The following LRRK2 variants were observed in gnomAD, a reference collection of about 807,000 sequenced individuals.
The protein encoded by LRRK2 is leucine rich repeat kinase 2.
A neutral mutation model predicts 302.6 loss-of-function variants in LRRK2; 203 were observed. That is an observed-to-expected ratio of 0.67 (90% CI 0.60 to 0.75). LRRK2 has a LOEUF of 0.75. Among genes scored for constraint, LRRK2 ranks in the 30% least tolerant of loss-of-function variants. The pLI, the probability that LRRK2 is intolerant of heterozygous loss-of-function variation, is 0.00. For missense variants in LRRK2, 2,830 were observed against 2,951.0 expected, an observed-to-expected ratio of 0.96 and a Z score of 0.95; for synonymous variants, 1,066 against 1,031.9, an observed-to-expected ratio of 1.03 and a Z score of -0.63.
At position 40,257,270 on chromosome 12, in the gene LRRK2, A is replaced by G. The variant is rs1474440779; in HGVS notation, c.1311A>G (p.Leu437=). The G allele has an allele frequency of 1.9e-6, 3 of 1,579,186 alleles. No homozygotes were observed. In the East Asian group the frequency reaches 6.7e-5, roughly 35 times the overall value. The change falls in exon 12 of 51, where the codon TTA becomes TTG. Residue 437 remains leucine (L), a synonymous_variant. Transcript: ENST00000298910. The stretch of plus-strand genomic sequence containing the variant: ...CAGTTAATTTCAGAAAAATACTGTT[A>G]TCAAAAGGAATACACCTGAATGTTT... ...EQNVNFRKIL[L]SKGIHLNVLE...
intron 6 of LRRK2, among the ~76,000 whole-genome samples, chr12:40,240,942 A>G (rs1312287779): frequency 6.6e-6 from 1 of 152,170 alleles, no homozygotes; most frequent in Non-Finnish European, 1.5e-5. Flanking sequence ...TAGAGTTAGG[A>G]GATCAAATAG....
chr12:40,308,782 C>A, intron 29 of LRRK2, 86 bp downstream of exon 29: 1 of 1,220,542 alleles, frequency 8.2e-7, no homozygotes, highest in African/African-American at 1.5e-5. Context: ...GTTCTAATAT[C>A]CAGAAACCTG....
intron 39 of LRRK2, among the ~76,000 whole-genome samples, chr12:40,333,063 T>G (rs1945760811): frequency 6.6e-6 from 1 of 152,180 alleles, no homozygotes; most frequent in Non-Finnish European, 1.5e-5. Context: ...TACTGTACTA[T>G]TACGCTGTTT....
At chr12:40,319,495 C>T (rs1284541628) in intron 33 of LRRK2, among the ~76,000 whole-genome samples, 2 of 152,074 alleles carry the variant, frequency 1.3e-5, no homozygotes, top group African/African-American at 4.8e-5. Context: ...AAGTAGAATC[C>T]ATCAAAATGC....
intron 38 of LRRK2, among the ~76,000 whole-genome samples, chr12:40,325,081 T>C (rs3747891): frequency 0.097 from 14,740 of 151,778 alleles, 903 homozygotes; most frequent in Admixed American, 0.15. Context: ...AGGTCAGGAG[T>C]TGAAGACCAG....
chr12:40,360,762 A>C (rs942628646), intron 47 of LRRK2, among the ~76,000 whole-genome samples: 2 of 152,028 alleles, frequency 1.3e-5, no homozygotes, highest in South Asian at 4.1e-4. Context: ...GCTTTTTGCC[A>C]TCTGTGCTTT....
rs187998728 is a variant in LRRK2, at chr12:40,348,859, C to T, written c.6381+350C>T. Among the ~76,000 whole-genome samples the T allele has an allele frequency of 5.4e-3, 815 of 152,040 alleles. 20 individuals are homozygous for T. The highest frequency in any genetic ancestry group is 0.048 in the Admixed American group (737 of 15,280). On this transcript the variant is annotated intron_variant, in intron 43 of 50. Transcript: ENST00000298910. The stretch of plus-strand genomic sequence containing the variant: ...GTTTTATATGTTGCAATTTCTTTTT[C>T]GAGCTGGTGGCTTGCTTTTTAAATT...
chr12:40,310,623 A>C lies in LRRK2; in HGVS notation c.4510A>C (p.Ile1504Leu), dbSNP rs193054490. The change falls in exon 31 of 51, where the codon ATC becomes CTC. Residue 1504 changes from isoleucine (I) to leucine (L), a missense_variant. Coordinates refer to ENST00000298910, the MANE Select transcript of LRRK2 (RefSeq NM_198578.4). ...TGCTTTGGCAAAACTTCGGAAAACC[A>C]TCATAAACGAGAGCCTTAATTTCAA... ...SDALAKLRKT[I>L]INESLNFKIR... is the part of the protein sequence containing the mutation. 1.2e-6 allele frequency: 2 copies of C among 1,613,182 alleles called. No homozygotes were observed. Among genetic ancestry groups the C allele is most frequent in the East Asian group, 4.5e-5 (2 of 44,870 alleles).
intron 2 of LRRK2, among the ~76,000 whole-genome samples, chr12:40,231,997 T>C (rs1941223062): frequency 6.6e-6 from 1 of 151,776 alleles, no homozygotes; most frequent in African/African-American, 2.4e-5. Context: ...AGAGACTGGG[T>C]TTCACCATCT....
chr12:40,262,717 A>G (rs1331550603), intron 13 of LRRK2, among the ~76,000 whole-genome samples: 3 of 152,220 alleles, frequency 2.0e-5, no homozygotes, highest in African/African-American at 7.2e-5. Flanking sequence ...TTTAAGGAAG[A>G]TGTTAAATAA....
At chr12:40,249,482 A>C (rs1415731661) in intron 7 of LRRK2, among the ~76,000 whole-genome samples, 1 of 152,192 alleles carries the variant, frequency 6.6e-6, no homozygotes, top group Non-Finnish European at 1.5e-5. Context: ...CAACTTTAAA[A>C]GACAGAAAAA....
At chr12:40,247,824 A>G (rs145515389) in intron 7 of LRRK2, among the ~76,000 whole-genome samples, 1,577 of 146,742 alleles carry the variant, frequency 0.011, 48 homozygotes, top group African/African-American at 0.035. Context: ...ATATAAATAT[A>G]TATATTTTTT....
intron 39 of LRRK2, among the ~76,000 whole-genome samples, chr12:40,329,820 C>A (rs1023551361): frequency 6.6e-6 from 1 of 152,274 alleles, no homozygotes; most frequent in East Asian, 1.9e-4. Context: ...GTGATCCTCT[C>A]ACCTTAACCT....
At chr12:40,364,485 T>C (rs767336170) in intron 48 of LRRK2, among the ~76,000 whole-genome samples, 15 of 151,740 alleles carry the variant, frequency 9.9e-5, no homozygotes, top group Non-Finnish European at 2.1e-4. Flanking sequence ...CTTTGTAACA[T>C]TGAGACTTCA....
chr12:40,243,629 G>A lies in LRRK2; in HGVS notation c.786G>A (p.Met262Ile), dbSNP rs1221514996. 12 of 1,612,012 alleles carry A rather than the reference G, an allele frequency of 7.4e-6. No homozygotes were observed. The highest frequency in any genetic ancestry group is 5.0e-5 in the Admixed American group (3 of 59,866). ...IVVEAMKAFPMSERIQEVSCC... is the reference protein window; with the variant it reads ...IVVEAMKAFPISERIQEVSCC... The stretch of plus-strand genomic sequence containing the variant: ...TGGAAGCTATGAAAGCATTCCCTAT[G>A]AGTGAAAGAATTCAAGAAGTGAGTT... The change falls in exon 7 of 51, where the codon ATG becomes ATA. Residue 262 changes from methionine (M) to isoleucine (I), a missense_variant. Met to Ile is a conservative substitution (Grantham distance 10, BLOSUM62 1). This residue lies in a region of LRRK2 where 2,121 missense variants were observed against 2,148.0 expected (regional missense o/e 0.99). Coordinates refer to ENST00000298910, the MANE Select transcript of LRRK2 (RefSeq NM_198578.4).
intron 20 of LRRK2, among the ~76,000 whole-genome samples, chr12:40,292,507 TATG>T (rs1251700154): frequency 1.4e-5 from 2 of 142,228 alleles, no homozygotes; most frequent in East Asian, 2.1e-4. Flanking sequence ...GTGGGATAAT[TATG>T]ATAATTTAAT....
At chr12:40,247,534 A>G (rs571445730) in intron 7 of LRRK2, among the ~76,000 whole-genome samples, 36 of 93,386 alleles carry the variant, frequency 3.9e-4, no homozygotes, top group African/African-American at 1.2e-3. Context: ...ACAAATGTAT[A>G]TAAATATACA....
At chr12:40,255,191 A>G (rs1942446958) in intron 11 of LRRK2, among the ~76,000 whole-genome samples, 1 of 152,174 alleles carries the variant, frequency 6.6e-6, no homozygotes, top group Non-Finnish European at 1.5e-5. Flanking sequence ...AGGGAAGATA[A>G]TAAGATTAAC....
chr12:40,227,118 G>A (rs1940934438), intron 2 of LRRK2, among the ~76,000 whole-genome samples: 1 of 152,158 alleles, frequency 6.6e-6, no homozygotes. Context: ...TCTGCCTAGA[G>A]AGTACCAGAG....
Sources: gnomAD v4.1 joint callset for allele counts (sites outside exome capture counted in the v4.1 genomes callset) on GRCh38, gnomAD v4.1.1 for gene constraint, gnomAD v4.1.1 regional missense constraint, MANE v1.5 for transcripts, NCBI Gene and HGNC (gene_info 2026-07-23, HGNC 2026-07-21) for gene names.